The following CFAP77 variants were observed in gnomAD, a reference collection of about 807,000 sequenced individuals.
CFAP77 encodes cilia- and flagella-associated protein 77.
A neutral mutation model predicts 31.1 loss-of-function variants in CFAP77; 25 were observed. That is an observed-to-expected ratio of 0.80 (90% CI 0.59 to 1.12). CFAP77 has a LOEUF of 1.12. Ranked by LOEUF, CFAP77 falls within the 50% of genes most tolerant of loss-of-function variation. The probability of loss-of-function intolerance (pLI) is 0.00; values close to 1 mark genes in which losing one functional copy is unlikely to be tolerated. For missense variants in CFAP77, 377 were observed against 397.3 expected (o/e 0.95, Z 0.44); for synonymous variants, 151 against 159.9 (o/e 0.94, Z 0.42).
intron 1 of CFAP77, among the ~76,000 whole-genome samples, chr9:132,431,914 TGTCTTATCCTCCC>T (rs1242794517): frequency 2.0e-5 from 3 of 152,206 alleles, no homozygotes; most frequent in African/African-American, 4.8e-5. Flanking sequence ...GCAATTCCTC[TGTCTTATCCTCCC>T]GAGTAGCTGG....
intron 5 of CFAP77, among the ~76,000 whole-genome samples, chr9:132,557,170 G>C (rs963547446): frequency 6.6e-6 from 1 of 152,138 alleles, no homozygotes; most frequent in African/African-American, 2.4e-5. Flanking sequence ...TGTTGGACAG[G>C]GGCTCCAAGG....
At chr9:132,493,642 C>T (rs80095287) in intron 1 of CFAP77, among the ~76,000 whole-genome samples, 3,105 of 152,296 alleles carry the variant, frequency 0.02, 93 homozygotes, top group African/African-American at 0.071. Flanking sequence ...GTGCTATCTT[C>T]GGTCACTGCC....
intron 1 of CFAP77, among the ~76,000 whole-genome samples, chr9:132,459,799 CGA>C (rs1246656724): frequency 6.9e-6 from 1 of 145,302 alleles, no homozygotes; most frequent in Non-Finnish European, 1.5e-5. Context: ...TATGTGAGAG[CGA>C]TGTGTGTATG....
chr9:132,519,831 GAT>G (rs1852236894), intron 3 of CFAP77, among the ~76,000 whole-genome samples: 2 of 148,344 alleles, frequency 1.3e-5, no homozygotes, highest in African/African-American at 5.0e-5. Flanking sequence ...TGGATGGATG[GAT>G]GGATGGATGG....
chr9:132,541,186 C>G (rs967854864), intron 4 of CFAP77, among the ~76,000 whole-genome samples: 6 of 152,166 alleles, frequency 3.9e-5, no homozygotes, highest in African/African-American at 1.4e-4. Context: ...GGTGATGACC[C>G]CAGATGAAAT....
At chr9:132,442,016 A>C (rs919010126) in intron 1 of CFAP77, among the ~76,000 whole-genome samples, 4 of 152,316 alleles carry the variant, frequency 2.6e-5, no homozygotes, top group African/African-American at 9.6e-5. Context: ...AGGGAGGTTC[A>C]GTTGTACACT....
At chr9:132,540,967 C>T (rs781511835) in intron 4 of CFAP77, among the ~76,000 whole-genome samples, 6 of 152,130 alleles carry the variant, frequency 3.9e-5, no homozygotes, top group African/African-American at 7.2e-5. Flanking sequence ...GTACCAACCT[C>T]GTAATCTTGC....
Position 132,565,841 on chromosome 9 carries a change from C to G in CFAP77, c.733-6547C>G, listed in dbSNP as rs1288991219. The stretch of plus-strand genomic sequence containing the variant: ...GCAATGCTCCCCATTCTAACAGGAC[C>G]AGCTCCTTCGCCAACCGGGATAAAG... On this transcript the variant is annotated intron_variant, in intron 5 of 5. Coordinates refer to ENST00000393216, the MANE Select transcript of CFAP77 (RefSeq NM_001282957.2). This position sits in a 1 kb window ranked among gnomAD's most constrained non-coding sequence, Gnocchi z 4.1. Among the ~76,000 whole-genome samples, 1 of 152,172 alleles carries G rather than the reference C, an allele frequency of 6.6e-6. No homozygotes were observed. Among genetic ancestry groups the G allele is most frequent in the Non-Finnish European group, 1.5e-5 (1 of 68,022 alleles).
At chr9:132,459,575 A>C (rs549892174) in intron 1 of CFAP77, among the ~76,000 whole-genome samples, 1 of 143,056 alleles carries the variant, frequency 7.0e-6, no homozygotes, top group Admixed American at 6.9e-5. Context: ...GCATGTGTGC[A>C]TGTATGTGTA....
Position 132,537,697 on chromosome 9 carries a change from G to T in CFAP77, c.621G>T (p.Lys207Asn), listed in dbSNP as rs201070050. Residue 207 changes from lysine (K) to asparagine (N), a missense_variant, in exon 4 of 6, where the codon AAG becomes AAT. Physicochemically the swap from Lys to Asn is moderately conservative, Grantham distance 94. Coordinates refer to ENST00000393216, the MANE Select transcript of CFAP77 (RefSeq NM_001282957.2). ...CCCAGAAAGCCATCAAACTGGAGAA[G>T]AAGCAGAAGGTAAATGCAGCCCTCG... ...KATQKAIKLE[K>N]KQKVVLGKLY... 2 of 1,613,090 alleles carry T rather than the reference G, an allele frequency of 1.2e-6. No individual in the cohort carries two copies. The highest frequency in any genetic ancestry group is 2.2e-5 in the East Asian group (1 of 44,868).
At chr9:132,521,187 T>C (rs542077370) in intron 3 of CFAP77, among the ~76,000 whole-genome samples, 135 of 152,274 alleles carry the variant, frequency 8.9e-4, no homozygotes, top group Middle Eastern at 3.4e-3. Context: ...ACATGCCGAC[T>C]TAATGGCTGA....
chr9:132,432,863 G>A (rs1339639866), intron 1 of CFAP77, among the ~76,000 whole-genome samples: 7 of 151,060 alleles, frequency 4.6e-5, no homozygotes, highest in South Asian at 2.1e-4. Context: ...ACAGGCACCC[G>A]CCACCACGCC....
At chr9:132,550,108 A>G (rs1274221836) in intron 5 of CFAP77, among the ~76,000 whole-genome samples, 1 of 152,216 alleles carries the variant, frequency 6.6e-6, no homozygotes, top group Non-Finnish European at 1.5e-5. Flanking sequence ...GCAGAGGCCA[A>G]CAGTGAAGGG....
intron 1 of CFAP77, among the ~76,000 whole-genome samples, chr9:132,470,136 G>A (rs1041931278): frequency 2.0e-5 from 3 of 152,110 alleles, no homozygotes; most frequent in Non-Finnish European, 4.4e-5. Context: ...ACCACACCTG[G>A]CCTTTGCTCC....
intron 5 of CFAP77, among the ~76,000 whole-genome samples, chr9:132,553,823 A>G (rs546113022): frequency 3.9e-5 from 6 of 152,320 alleles, no homozygotes; most frequent in South Asian, 4.1e-4. Context: ...CTGCATTTCT[A>G]TATATTTTTA....
At chr9:132,541,488 C>G (rs1852640680) in intron 4 of CFAP77, among the ~76,000 whole-genome samples, 1 of 152,202 alleles carries the variant, frequency 6.6e-6, no homozygotes, top group Non-Finnish European at 1.5e-5. Context: ...CTTTGGGAGG[C>G]CAAGGCCAGT....
Position 132,480,824 on chromosome 9 carries a change from C to T in CFAP77, c.196-17871C>T, listed in dbSNP as rs1385102510. ...GGAAGGGGCCTGAAAGTTCCAGGAG[C>T]CGAAAGAAGGCCCAGGGCAGAAAGC... On this transcript the variant is annotated intron_variant, in intron 1 of 5. Coordinates refer to ENST00000393216, the MANE Select transcript of CFAP77 (RefSeq NM_001282957.2). This position sits in a 1 kb window ranked among gnomAD's most constrained non-coding sequence, Gnocchi z 5.8. 1.3e-5 allele frequency among the ~76,000 whole-genome samples: 2 copies of T among 152,008 alleles called. No individual in the cohort carries two copies.
chr9:132,483,683 A>G (rs73659053), intron 1 of CFAP77, among the ~76,000 whole-genome samples: 7,306 of 152,212 alleles, frequency 0.048, 581 homozygotes, highest in African/African-American at 0.17. Flanking sequence ...AGCGAGACTC[A>G]GATGGAAACG....
intron 1 of CFAP77, among the ~76,000 whole-genome samples, chr9:132,419,458 T>C (rs1278715642): frequency 6.6e-6 from 1 of 152,142 alleles, no homozygotes; most frequent in Admixed American, 6.6e-5. Context: ...CCCACAAAGA[T>C]GGGGCACCCA....
Sources: allele counts gnomAD v4.1 joint callset (sites outside exome capture counted in the v4.1 genomes callset), GRCh38; gene constraint gnomAD v4.1.1; non-coding constraint Gnocchi (gnomAD v3.1); transcripts MANE v1.5; gene names NCBI Gene and HGNC (gene_info 2026-07-23, HGNC 2026-07-21).